The following DOCK4 variants were observed in gnomAD, a reference collection of about 807,000 sequenced individuals.
The protein encoded by DOCK4 is dedicator of cytokinesis protein 4.
A neutral mutation model predicts 268.1 loss-of-function variants in DOCK4; 97 were observed. The ratio of observed to expected loss-of-function variants is 0.36; its 90% CI spans 0.31 to 0.43. The LOEUF (loss-of-function observed/expected upper bound fraction) is 0.43. Ranked by LOEUF, DOCK4 falls within the 20% of genes least tolerant of loss-of-function variation. DOCK4 has a pLI of 1.00. For missense variants in DOCK4, 2,145 were observed against 2,455.7 expected, an observed-to-expected ratio of 0.87 and a Z score of 2.67; for synonymous variants, 954 against 887.2, an observed-to-expected ratio of 1.08 and a Z score of -1.34.
At chr7:111,975,875 A>G (rs1798117889) in intron 8 of DOCK4, among the ~76,000 whole-genome samples, 1 of 151,914 alleles carries the variant, frequency 6.6e-6, no homozygotes, top group African/African-American at 2.4e-5. Context: ...CTGTTTATAA[A>G]ATAATAGGCC....
At chr7:111,769,701 T>C in intron 36 of DOCK4, 24 bp from the exon 37 acceptor site, 1 of 1,606,990 alleles carries the variant, frequency 6.2e-7, no homozygotes, top group Non-Finnish European at 8.5e-7. Context: ...GAGAAGACAA[T>C]GATTGAGACA....
intron 1 of DOCK4, among the ~76,000 whole-genome samples, chr7:112,160,496 T>G (rs959222536): frequency 6.6e-6 from 1 of 152,198 alleles, no homozygotes; most frequent in Non-Finnish European, 1.5e-5. Flanking sequence ...ATGCAAGCTC[T>G]GAGGGAGGAG....
intron 8 of DOCK4, among the ~76,000 whole-genome samples, chr7:111,959,174 G>A (rs539777400): frequency 1.3e-5 from 2 of 152,262 alleles, no homozygotes; most frequent in East Asian, 1.9e-4. Context: ...AGAAATCTGT[G>A]CCAGCATGTC....
intron 26 of DOCK4, among the ~76,000 whole-genome samples, chr7:111,833,750 T>C (rs1452184678): frequency 6.6e-6 from 1 of 152,154 alleles, no homozygotes; most frequent in South Asian, 2.1e-4. Context: ...GACCCCTATG[T>C]ACTATCTATA....
chr7:112,128,623 C>CT (rs1394869383), intron 1 of DOCK4, among the ~76,000 whole-genome samples: 1 of 152,192 alleles, frequency 6.6e-6, no homozygotes, highest in Non-Finnish European at 1.5e-5. Context: ...ACCCCCAACC[C>CT]TGTGCTCTCT....
intron 8 of DOCK4, among the ~76,000 whole-genome samples, chr7:111,964,095 C>A (rs2135014565): frequency 6.7e-6 from 1 of 148,248 alleles, no homozygotes; most frequent in Non-Finnish European, 1.5e-5. Context: ...GATAAAACCA[C>A]AAAGATGGGG....
chr7:111,851,227 G>A (rs1272597038), intron 23 of DOCK4, among the ~76,000 whole-genome samples: 5 of 152,050 alleles, frequency 3.3e-5, no homozygotes, highest in African/African-American at 9.7e-5. Context: ...GGTGGATCAC[G>A]AGGTCAGGAG....
At chr7:112,048,182 A>G (rs1804993285) in intron 1 of DOCK4, among the ~76,000 whole-genome samples, 1 of 152,126 alleles carries the variant, frequency 6.6e-6, no homozygotes, top group African/African-American at 2.4e-5. Context: ...AAGCACATGC[A>G]TAAGAAACAT....
chr7:111,810,608 CTTCTAAT>C (rs563834273), intron 28 of DOCK4, among the ~76,000 whole-genome samples: 346 of 152,150 alleles, frequency 2.3e-3, no homozygotes, highest in Admixed American at 8.0e-3. Context: ...AAAAAAATCT[CTTCTAAT>C]GTTGGTGTAG....
chr7:111,895,543 GAT>G (rs1372390786), intron 16 of DOCK4, 67 bp downstream of exon 16: 1 of 1,309,434 alleles, frequency 7.6e-7, no homozygotes, highest in Non-Finnish European at 1.1e-6. Context: ...TTTTCAAAAT[GAT>G]AAGATAGTGA....
chr7:112,101,333 T>C (rs1322292952), intron 1 of DOCK4, among the ~76,000 whole-genome samples: 3 of 152,242 alleles, frequency 2.0e-5, no homozygotes, highest in African/African-American at 2.4e-5. Flanking sequence ...ATCTAGACGA[T>C]GGTCACCCTG....
intron 1 of DOCK4, among the ~76,000 whole-genome samples, chr7:112,016,993 G>A (rs1801862988): frequency 6.6e-6 from 1 of 152,084 alleles, no homozygotes; most frequent in Non-Finnish European, 1.5e-5. Context: ...TGGGTCCTAC[G>A]ATTAACTGTA....
intron 27 of DOCK4, among the ~76,000 whole-genome samples, chr7:111,812,252 C>A (rs1393457498): frequency 6.6e-6 from 1 of 152,104 alleles, no homozygotes. Context: ...CCAAACAAAG[C>A]AAAATGATTT....
chr7:111,999,343 G>A (rs1800231064), intron 3 of DOCK4, among the ~76,000 whole-genome samples: 1 of 152,010 alleles, frequency 6.6e-6, no homozygotes, highest in African/African-American at 2.4e-5. Context: ...TTCAATAGTA[G>A]TAAATATATA....
Position 111,769,510 on chromosome 7 carries a change from G to A in DOCK4, c.3828+19C>T. 6.2e-7 allele frequency: 1 copy of A among 1,612,888 alleles called. No individual in the cohort carries two copies. On this transcript the variant is annotated intron_variant, in intron 37 of 52. Transcript: ENST00000428084. ...ACCATCACCCCAGGAGGGACCCCGG[G>A]CGGGGCAGGGCCACTTACTTTGCCT...
intron 43 of DOCK4, among the ~76,000 whole-genome samples, chr7:111,747,039 A>AAC (rs138249278): frequency 1.8e-4 from 27 of 151,750 alleles, no homozygotes; most frequent in African/African-American, 2.4e-4. Flanking sequence ...TGCAAGAATG[A>AAC]ACACACACAC....
intron 1 of DOCK4, among the ~76,000 whole-genome samples, chr7:112,178,529 C>G (rs1242762732): frequency 6.6e-6 from 1 of 152,130 alleles, no homozygotes; most frequent in Admixed American, 6.5e-5. Context: ...GAAATACCCA[C>G]CATGAAATAA....
chr7:111,891,410 T>C (rs1291397058), intron 16 of DOCK4, among the ~76,000 whole-genome samples: 1 of 152,228 alleles, frequency 6.6e-6, no homozygotes, highest in East Asian at 1.9e-4. Context: ...TCCATGCATA[T>C]AAAATTATCC....
In DOCK4 at chr7:111,984,351, T is replaced by C. The variant is rs772334117; in HGVS notation, c.504A>G (p.Ala168=). ...GLDLVPRKEY[A]MVDPEDISIT... ...TGCTGATGTCTTCCGGATCCACCAT[T>C]GCGTACTCTTTCCTAGGCACCAGGT... is the stretch of plus-strand genomic sequence containing the variant. The change falls in exon 7 of 53, where the codon GCA becomes GCG. Residue 168 remains alanine (A), a synonymous_variant. Coordinates refer to ENST00000428084, the MANE Select transcript of DOCK4 (RefSeq NM_001363540.2). 1.9e-6 allele frequency: 3 copies of C among 1,613,372 alleles called. No homozygotes were observed. The highest frequency in any genetic ancestry group is 1.7e-6 in the Non-Finnish European group (2 of 1,179,626).
Sources: allele counts gnomAD v4.1 joint callset (sites outside exome capture counted in the v4.1 genomes callset), GRCh38; gene constraint gnomAD v4.1.1; transcripts MANE v1.5; gene names NCBI Gene and HGNC (gene_info 2026-07-23, HGNC 2026-07-21).